PTPRT: variants seen among roughly 807,000 people sequenced by gnomAD.
The protein encoded by PTPRT is receptor-type tyrosine-protein phosphatase T.
In PTPRT, 56 loss-of-function variants were observed where a neutral mutation model predicts 176.8. The ratio of observed to expected loss-of-function variants is 0.32; its 90% CI spans 0.26 to 0.40. The LOEUF (loss-of-function observed/expected upper bound fraction) is 0.40, where lower values mean the gene tolerates loss of function less well. Ranked by LOEUF, PTPRT falls within the 10% of genes least tolerant of loss-of-function variation. PTPRT has a pLI of 1.00. For missense variants in PTPRT, 1,540 were observed against 1,908.2 expected, an observed-to-expected ratio of 0.81 and a Z score of 3.60; for synonymous variants, 783 against 739.0, an observed-to-expected ratio of 1.06 and a Z score of -0.96.
At chr20:42,203,493 A>G (rs2055374726) in intron 15 of PTPRT, among the ~76,000 whole-genome samples, 1 of 152,094 alleles carries the variant, frequency 6.6e-6, no homozygotes, top group South Asian at 2.1e-4. Flanking sequence ...AATACTCCAT[A>G]TTCCTTGATG....
intron 15 of PTPRT, among the ~76,000 whole-genome samples, chr20:42,225,937 G>T (rs539168651): frequency 1.3e-5 from 2 of 152,298 alleles, no homozygotes; most frequent in Non-Finnish European, 2.9e-5. Flanking sequence ...AGAGGTGTGA[G>T]CCACCGCACC....
intron 1 of PTPRT, among the ~76,000 whole-genome samples, chr20:43,050,228 C>G (rs774510973): frequency 6.6e-6 from 1 of 152,168 alleles, no homozygotes; most frequent in Non-Finnish European, 1.5e-5. Context: ...CAGGGAGAGA[C>G]AAGAGCATGG....
At chr20:43,025,100 T>C (rs1985857531) in intron 1 of PTPRT, among the ~76,000 whole-genome samples, 1 of 152,200 alleles carries the variant, frequency 6.6e-6, no homozygotes, top group African/African-American at 2.4e-5. Flanking sequence ...GGTGTCTGTA[T>C]CCACTTACAG....
chr20:42,771,408 C>G, intron 5 of PTPRT, 27 bp downstream of exon 5: 2 of 1,573,962 alleles, frequency 1.3e-6, no homozygotes. Flanking sequence ...CCTAACGAGT[C>G]TGAGCAGAGG....
At chr20:42,492,006 A>T (rs145160197) in intron 7 of PTPRT, among the ~76,000 whole-genome samples, 26 of 152,332 alleles carry the variant, frequency 1.7e-4, no homozygotes, top group African/African-American at 6.0e-4. Flanking sequence ...CCAAGGTGTT[A>T]CAGGTACAAT....
At chr20:42,677,289 A>G (rs1267590799) in intron 7 of PTPRT, among the ~76,000 whole-genome samples, 1 of 152,094 alleles carries the variant, frequency 6.6e-6, no homozygotes, top group Non-Finnish European at 1.5e-5. Flanking sequence ...CTCAGGAACA[A>G]TGTTAGAATT....
intron 9 of PTPRT, among the ~76,000 whole-genome samples, chr20:42,418,280 T>A (rs886434661): frequency 2.6e-5 from 4 of 152,228 alleles, no homozygotes; most frequent in Non-Finnish European, 5.9e-5. Context: ...ACCTGTTTTT[T>A]AATTAAATGC....
intron 7 of PTPRT, among the ~76,000 whole-genome samples, chr20:42,570,224 T>C (rs529033552): frequency 6.6e-6 from 1 of 152,274 alleles, no homozygotes; most frequent in South Asian, 2.1e-4. Flanking sequence ...CTTGGACAGA[T>C]GCTGTACTGA....
intron 8 of PTPRT, among the ~76,000 whole-genome samples, chr20:42,471,456 C>T (rs762550236): frequency 2.6e-5 from 4 of 152,138 alleles, no homozygotes; most frequent in East Asian, 1.9e-4. Context: ...CAATCTTTTG[C>T]GCCTGCTTTG....
chr20:42,746,308 T>C (rs1187487160), intron 6 of PTPRT, among the ~76,000 whole-genome samples: 1 of 152,180 alleles, frequency 6.6e-6, no homozygotes, highest in East Asian at 1.9e-4. Flanking sequence ...CCATCTGTCA[T>C]TTTTCTCTTT....
At chr20:43,046,834 G>A (rs1986858572) in intron 1 of PTPRT, among the ~76,000 whole-genome samples, 1 of 152,208 alleles carries the variant, frequency 6.6e-6, no homozygotes, top group South Asian at 2.1e-4. Flanking sequence ...AAGGCTCACA[G>A]TGAGACAAGG....
chr20:42,514,208 T>C (rs2072017326), intron 7 of PTPRT, among the ~76,000 whole-genome samples: 1 of 152,184 alleles, frequency 6.6e-6, no homozygotes, highest in South Asian at 2.1e-4. Context: ...AATGCCAATG[T>C]TTGCCTGAAG....
chr20:42,403,166 T>A (rs1433087881), intron 9 of PTPRT, among the ~76,000 whole-genome samples: 1 of 152,184 alleles, frequency 6.6e-6, no homozygotes, highest in Non-Finnish European at 1.5e-5. Flanking sequence ...AGGTATACGA[T>A]TTTTGCATTT....
At chr20:42,310,614 C>T (rs575529260) in intron 12 of PTPRT, among the ~76,000 whole-genome samples, 5 of 152,192 alleles carry the variant, frequency 3.3e-5, no homozygotes, top group African/African-American at 1.2e-4. Context: ...GCTAAGAATG[C>T]TTTATTGGAG....
chr20:42,743,387 G>T (rs2076640954), intron 6 of PTPRT, among the ~76,000 whole-genome samples: 1 of 152,132 alleles, frequency 6.6e-6, no homozygotes, highest in African/African-American at 2.4e-5. Context: ...GGGGAAAAAA[G>T]AAACTTTAAA....
intron 26 of PTPRT, among the ~76,000 whole-genome samples, chr20:42,098,934 G>A (rs1029865546): frequency 3.9e-5 from 6 of 152,270 alleles, no homozygotes; most frequent in Admixed American, 3.9e-4. Flanking sequence ...TGGCCACGAT[G>A]CTGGGCGAGG....
At chr20:42,639,550 A>G (rs1168742913) in intron 7 of PTPRT, among the ~76,000 whole-genome samples, 1 of 152,104 alleles carries the variant, frequency 6.6e-6, no homozygotes, top group Non-Finnish European at 1.5e-5. Context: ...TAGGGGACAC[A>G]GGAGGGTACA....
intron 1 of PTPRT, among the ~76,000 whole-genome samples, chr20:43,084,415 C>G (rs960860268): frequency 6.6e-6 from 1 of 152,144 alleles, no homozygotes; most frequent in African/African-American, 2.4e-5. Flanking sequence ...GAAGCAAGAA[C>G]CTTCTTCATA....
intron 7 of PTPRT, among the ~76,000 whole-genome samples, chr20:42,558,282 C>T (rs1390065485): frequency 6.6e-6 from 1 of 152,058 alleles, no homozygotes; most frequent in Admixed American, 6.6e-5. Context: ...AGTTTAATGG[C>T]CTTCAGCTCC....
Sources: gnomAD v4.1 joint callset for allele counts (sites outside exome capture counted in the v4.1 genomes callset) on GRCh38, gnomAD v4.1.1 for gene constraint, MANE v1.5 for transcripts, NCBI Gene and HGNC (gene_info 2026-07-23, HGNC 2026-07-21) for gene names.